Variants in ZPBP observed in about 807,000 individuals in gnomAD.
ZPBP encodes zona pellucida-binding protein 1.
A neutral mutation model predicts 44.8 loss-of-function variants in ZPBP; 26 were observed. The ratio of observed to expected loss-of-function variants is 0.58; its 90% confidence interval spans 0.43 to 0.81. The LOEUF (loss-of-function observed/expected upper bound fraction) is 0.81. Among genes scored for constraint, ZPBP ranks in the 30% least tolerant of loss-of-function variants. The probability of loss-of-function intolerance (pLI) is 0.00; values close to 1 mark genes in which losing one functional copy is unlikely to be tolerated. For synonymous variants in ZPBP, 174 were observed against 153.2 expected (o/e 1.14, Z -1.00); for missense variants, 409 against 434.0 (o/e 0.94, Z 0.51).
rs1217271538 is a variant in ZPBP, at chr7:49,879,083, C to G, written n.509+22035G>C. On this transcript the variant is annotated intron_variant and non_coding_transcript_variant, in intron 2 of 2. Transcript: ENST00000465922. ...TTCTTAATATCCGGCAGTTCATTCC[C>G]TCAATCCTCAAAGGTCTCTGCTTTT... 3.3e-5 allele frequency among the ~76,000 whole-genome samples: 5 copies of G among 152,282 alleles called. No individual in the cohort carries two copies. In the East Asian group the frequency reaches 5.8e-4, roughly 18 times the overall value.
intron 1 of ZPBP, among the ~76,000 whole-genome samples, chr7:49,924,132 T>A (rs1794137135): frequency 6.7e-6 from 1 of 148,352 alleles, no homozygotes. Flanking sequence ...CAAATAATAA[T>A]AATAAATAAT....
chr7:49,993,478 G>T (rs1476241), intron 6 of ZPBP, among the ~76,000 whole-genome samples: 121,450 of 152,144 alleles, frequency 0.8, 48,628 homozygotes, highest in East Asian at 0.89. Context: ...GAACCGATTG[G>T]CAACTGGATT....
chr7:50,089,742 T>A (rs753788518), intron 1 of ZPBP, 33 bp from the exon 2 acceptor site: 1 of 1,512,560 alleles, frequency 6.6e-7, no homozygotes, highest in South Asian at 1.1e-5. Flanking sequence ...ATTTGTCTCA[T>A]TAGATATTCT....
At chr7:50,081,710 C>CT (rs1323552163) in intron 3 of ZPBP, 64 bp downstream of exon 3, 1 of 1,566,026 alleles carries the variant, frequency 6.4e-7, no homozygotes, top group Non-Finnish European at 8.8e-7. Flanking sequence ...TACAAACATT[C>CT]TTTTTGTGTT....
At chr7:50,063,953 C>T (rs529407675) in intron 3 of ZPBP, among the ~76,000 whole-genome samples, 38 of 152,264 alleles carry the variant, frequency 2.5e-4, no homozygotes, top group Middle Eastern at 3.4e-3. Context: ...CATCTTGCAC[C>T]CACATAGCTG....
At chr7:50,069,860 G>A (rs1801746572) in intron 3 of ZPBP, among the ~76,000 whole-genome samples, 1 of 152,054 alleles carries the variant, frequency 6.6e-6, no homozygotes, top group Non-Finnish European at 1.5e-5. Context: ...GGTCCTATCA[G>A]CCTTATGCAA....
chr7:49,895,338 G>C (rs1225312359), intron 2 of ZPBP, among the ~76,000 whole-genome samples: 1 of 152,162 alleles, frequency 6.6e-6, no homozygotes, highest in African/African-American at 2.4e-5. Flanking sequence ...CTATCACATT[G>C]TTGATTAAGT....
At chr7:49,898,127 GTGTA>G (rs1166276770) in intron 2 of ZPBP, among the ~76,000 whole-genome samples, 1 of 151,860 alleles carries the variant, frequency 6.6e-6, no homozygotes, top group African/African-American at 2.4e-5. Context: ...GTGTGTGTGT[GTGTA>G]TGTATGTGTG....
At chr7:50,050,682 C>T (rs1397974092) in intron 4 of ZPBP, among the ~76,000 whole-genome samples, 1 of 142,784 alleles carries the variant, frequency 7.0e-6, no homozygotes, top group Non-Finnish European at 1.5e-5. Context: ...TAGCCATATG[C>T]AGAAAATTGA....
intron 6 of ZPBP, among the ~76,000 whole-genome samples, chr7:50,002,517 C>G (rs1451266298): frequency 6.6e-6 from 1 of 152,126 alleles, no homozygotes; most frequent in Non-Finnish European, 1.5e-5. Flanking sequence ...GCCACCACAC[C>G]CAGCTCATTC....
intron 3 of ZPBP, 99 bp downstream of exon 3, chr7:50,081,675 G>C (rs1802361639): frequency 1.4e-6 from 2 of 1,410,602 alleles, no homozygotes. Flanking sequence ...AAAGAATTGA[G>C]GAAATAACAT....
At chr7:49,919,010 G>C (rs1047676234) in intron 1 of ZPBP, 2 of 151,192 alleles carry the variant, frequency 1.3e-5, no homozygotes, top group Non-Finnish European at 2.9e-5. Flanking sequence ...AGCCGAGATC[G>C]CGTCACTGCA....
chr7:49,981,072 T>C (rs1052453603), intron 7 of ZPBP, among the ~76,000 whole-genome samples: 2 of 148,966 alleles, frequency 1.3e-5, no homozygotes, highest in African/African-American at 4.9e-5. Flanking sequence ...AGAATACAAA[T>C]TAAACAAAGA....
intron 2 of ZPBP, among the ~76,000 whole-genome samples, chr7:49,900,091 A>C (rs2128735134): frequency 6.6e-6 from 1 of 151,996 alleles, no homozygotes; most frequent in South Asian, 2.1e-4. Flanking sequence ...TAGAAGTCTC[A>C]AGAGAAGTTT....
chr7:49,988,556 A>G (rs1304224143), intron 6 of ZPBP, among the ~76,000 whole-genome samples: 1 of 152,222 alleles, frequency 6.6e-6, no homozygotes, highest in Non-Finnish European at 1.5e-5. Context: ...TGTTATGCTA[A>G]GTTATTATAA....
chr7:50,079,474 C>T (rs1444190439), intron 3 of ZPBP, among the ~76,000 whole-genome samples: 2 of 151,472 alleles, frequency 1.3e-5, no homozygotes, highest in African/African-American at 2.4e-5. Flanking sequence ...CTAAAAAAGT[C>T]ACACTAATAC....
intron 7 of ZPBP, among the ~76,000 whole-genome samples, chr7:49,960,142 G>A (rs1051789649): frequency 7.9e-5 from 12 of 152,038 alleles, no homozygotes; most frequent in Admixed American, 2.0e-4. Context: ...CACAGAGGCC[G>A]GGCGCGGTGA....
intron 1 of ZPBP, among the ~76,000 whole-genome samples, chr7:49,932,248 C>T (rs1348557559): frequency 6.6e-6 from 1 of 152,192 alleles, no homozygotes; most frequent in South Asian, 2.1e-4. Context: ...AATGGTAGAA[C>T]CACCAACAGA....
downstream of ZPBP, among the ~76,000 whole-genome samples, chr7:49,850,102 G>A (rs1217919102): frequency 6.6e-6 from 1 of 152,156 alleles, no homozygotes; most frequent in Admixed American, 6.5e-5. Context: ...GAAAAACCAA[G>A]CCTAGCACAT....
Sources: gnomAD v4.1 joint callset for allele counts (sites outside exome capture counted in the v4.1 genomes callset) on GRCh38, gnomAD v4.1.1 for gene constraint, MANE v1.5 for transcripts, NCBI Gene and HGNC (gene_info 2026-07-23, HGNC 2026-07-21) for gene names.